The following PLA2G4F variants were observed in gnomAD, a reference collection of about 807,000 sequenced individuals.
PLA2G4F encodes the protein cytosolic phospholipase A2 zeta.
Under a neutral mutation model 103.1 loss-of-function variants are expected in PLA2G4F, and 105 were observed. The observed-to-expected ratio is 1.02, with a 90% CI of 0.87 to 1.20. The LOEUF is 1.20. Among genes scored for constraint, PLA2G4F ranks in the 50% most tolerant of loss-of-function variants. The probability of loss-of-function intolerance (pLI) is 0.00; values close to 1 mark genes in which losing one functional copy is unlikely to be tolerated. For missense variants in PLA2G4F, 1,155 were observed against 1,075.9 expected (o/e 1.07, Z -1.03); for synonymous variants, 468 against 441.1 (o/e 1.06, Z -0.76).
intron 8 of PLA2G4F, 21 bp from the exon 9 acceptor site, chr15:42,150,507 A>G (rs920520778): frequency 1.2e-6 from 2 of 1,607,798 alleles, no homozygotes; most frequent in African/African-American, 1.3e-5. Context: ...GAAAACACCC[A>G]AGAAGCTCTC....
chr15:42,144,474 C>T lies in PLA2G4F; in HGVS notation c.1951G>A (p.Gly651Ser). Residue 651 changes from glycine to serine, a missense_variant, in exon 17 of 20, where the codon GGC becomes AGC. By Grantham distance (56) the Gly-to-Ser change is moderately conservative (BLOSUM62 0). Coordinates refer to ENST00000397272, the MANE Select transcript of PLA2G4F (RefSeq NM_213600.4). ...CCTTTCCAGGCCACGAACTCCCTGC[C>T]AGCCACATAGTCCTTGTGCAAGCAG... ...GLCLHKDYVA[G>S]REFVAWKDTH... The T allele has an allele frequency of 6.2e-7, 1 of 1,612,224 alleles. No homozygotes were observed. The highest frequency in any genetic ancestry group is 8.5e-7 in the Non-Finnish European group (1 of 1,180,016).
intron 1 of PLA2G4F, among the ~76,000 whole-genome samples, chr15:42,156,148 T>C (rs2049012935): frequency 6.6e-6 from 1 of 151,856 alleles, no homozygotes; most frequent in African/African-American, 2.4e-5. Flanking sequence ...AGGGAAACTC[T>C]CCCCTCACAA....
Position 42,139,045 on chromosome 15 carries a change from A to AT in PLA2G4F, c.*2938_*2939insA, listed in dbSNP as rs1271835543. On this transcript the variant is annotated 3_prime_UTR_variant, in exon 20 of 20. Transcript: ENST00000397272. The stretch of plus-strand genomic sequence containing the variant: ...CTCAGACACAGGTATGCAGTGTAAG[A>AT]GCAGCTAGGGGACTGCCCAGCTCAA... 1.3e-5 allele frequency: 2 copies of AT among 152,240 alleles called. No homozygotes were observed. The highest frequency in any genetic ancestry group is 2.9e-5 in the Non-Finnish European group (2 of 68,060). The allele number at this position is 152,240 out of a possible 1,614,324, so 9.4% of individuals were successfully genotyped here.
chr15:42,142,294 C>A, intron 19 of PLA2G4F, 90 bp from the exon 20 acceptor site: 1 of 1,326,620 alleles, frequency 7.5e-7, no homozygotes, highest in Non-Finnish European at 1.0e-6. Flanking sequence ...GTGCAGGACA[C>A]CTGGCTGGCT....
chr15:42,141,793 A>ACAAGGAGAGCCCTGCCC lies in PLA2G4F; in HGVS notation c.*174_*190dup. 1.6e-6 allele frequency: 1 copy of ACAAGGAGAGCCCTGCCC among 636,016 alleles called. No individual in the cohort carries two copies. The highest frequency in any genetic ancestry group is 2.6e-5 in the Admixed American group (1 of 38,312). 39.4% of individuals were successfully genotyped at this position (636,016 alleles called of 1,614,324 possible). On this transcript the variant is annotated 3_prime_UTR_variant, in exon 20 of 20. Transcript: ENST00000397272. ...TACTGCCCATCTTCTCCAAAAACACACAAGGAGAGCCCTGCCCCAGTCCAA... is the reference window on the plus strand; with the variant it reads ...TACTGCCCATCTTCTCCAAAAACACACAAGGAGAGCCCTGCCCCAAGGAGAGCCCTGCCCCAGTCCAA...
chr15:42,143,230 A>G (rs2048844063), intron 18 of PLA2G4F, among the ~76,000 whole-genome samples: 1 of 150,984 alleles, frequency 6.6e-6, no homozygotes, highest in Non-Finnish European at 1.5e-5. Context: ...GGTGTTGTGA[A>G]GATTAACAAT....
chr15:42,145,615 G>A lies in PLA2G4F; in HGVS notation c.1740C>T (p.Leu580=), dbSNP rs761593240. The A allele has an allele frequency of 1.4e-5, 22 of 1,614,008 alleles. No individual in the cohort carries two copies. The highest frequency in any genetic ancestry group is 2.7e-5 in the African/African-American group (2 of 74,906). The part of the protein sequence containing the change: ...EIFLKTAGSG[L]SFLEWYRGSV... ...TGCCTCTGTACCACTCCAGGAAGCT[G>A]AGGCCCGAGCCGGCGGTCTTTAGGA... The change falls in exon 16 of 20, where the codon CTC becomes CTT. Residue 580 remains leucine, a synonymous_variant. Coordinates refer to ENST00000397272, the MANE Select transcript of PLA2G4F (RefSeq NM_213600.4).
At chr15:42,155,315 C>T (rs1022967936) in intron 2 of PLA2G4F, among the ~76,000 whole-genome samples, 1 of 151,718 alleles carries the variant, frequency 6.6e-6, no homozygotes, top group African/African-American at 2.4e-5. Flanking sequence ...CACACGTATA[C>T]ACATGTACTC....
chr15:42,149,897 C>A, intron 10 of PLA2G4F, 49 bp from the exon 11 acceptor site: 1 of 1,597,976 alleles, frequency 6.3e-7, no homozygotes, highest in South Asian at 1.1e-5. Flanking sequence ...GGTGACTGTC[C>A]AGTGGAGGAG....
intron 11 of PLA2G4F, chr15:42,149,013 G>A (rs960304833): frequency 5.3e-5 from 52 of 985,314 alleles, no homozygotes; most frequent in Middle Eastern, 5.2e-4. Flanking sequence ...GGAGGAAGCC[G>A]GCAGCCTATT....
At position 42,147,282 on chromosome 15, in the gene PLA2G4F, G is replaced by A. The variant is rs573724327; in HGVS notation, c.1261C>T (p.Arg421Cys). 5.6e-6 allele frequency: 9 copies of A among 1,611,006 alleles called. No homozygotes were observed. Among genetic ancestry groups the A allele is most frequent in the Admixed American group, 1.7e-5 (1 of 59,986 alleles). ...SQVALQGPIE[R>C]AQVHVCSSKM... ...CTGCTGCAGACGTGAACCTGGGCACGCTCAATGGGGCCCTGCAAGGCCACC... is the reference window on the plus strand; with the variant it reads ...CTGCTGCAGACGTGAACCTGGGCACACTCAATGGGGCCCTGCAAGGCCACC... Residue 421 changes from arginine (R) to cysteine (C), a missense_variant, in exon 13 of 20, where the codon CGT becomes TGT. Arg to Cys is a radical substitution (Grantham distance 180). Around this residue, in one of 3 missense-constraint regions of PLA2G4F, gnomAD observed 782 missense variants for 692.9 expected, o/e 1.13. Coordinates refer to ENST00000397272, the MANE Select transcript of PLA2G4F (RefSeq NM_213600.4).
chr15:42,147,571 A>AAC, intron 12 of PLA2G4F, 55 bp downstream of exon 12: 1 of 1,590,790 alleles, frequency 6.3e-7, no homozygotes, highest in Non-Finnish European at 8.6e-7. Context: ...CCAGGTCACA[A>AAC]CCCCACACTT....
rs920825916 is a variant in PLA2G4F, at chr15:42,140,912, G to C, written c.*1072C>G. The C allele has an allele frequency of 7.6e-6, 2 of 264,614 alleles. No individual in the cohort carries two copies. The highest frequency in any genetic ancestry group is 4.4e-5 in the African/African-American group (2 of 45,830). The allele number at this position is 264,614 out of a possible 1,614,324, so 16.4% of individuals were successfully genotyped here. On this transcript the variant is annotated 3_prime_UTR_variant, in exon 20 of 20. Transcript: ENST00000397272. ...CAGATGGAGAGGGCCTGGCCAGAAC[G>C]GGATCTCCTCTTCACGAATCTGAGG...
chr15:42,154,330 C>T lies in PLA2G4F; in HGVS notation c.313G>A (p.Ala105Thr), dbSNP rs143626582. 4.7e-5 allele frequency: 76 copies of T among 1,608,426 alleles called. No individual in the cohort carries two copies. The highest frequency in any genetic ancestry group is 6.7e-5 in the Admixed American group (4 of 59,776). ...NETFHYQIHG[A>T]VKNVLELTLY... ...CCCTGGCTGGCCCTCACCTTCACAGCACCATGGATCTGGTAGTGGAAGGTC... is the reference window on the plus strand; with the variant it reads ...CCCTGGCTGGCCCTCACCTTCACAGTACCATGGATCTGGTAGTGGAAGGTC... Residue 105 changes from alanine (A) to threonine (T), a missense_variant, in exon 3 of 20, where the codon GCT (alanine) becomes ACT (threonine). Ala to Thr is a moderately conservative substitution (Grantham distance 58). Coordinates refer to ENST00000397272, the MANE Select transcript of PLA2G4F (RefSeq NM_213600.4).
In PLA2G4F at chr15:42,150,597, G is replaced by A. The variant is rs762905378; in HGVS notation, c.771+11C>T. ...AGTTGGATCTACCGACCATCCTGGC[G>A]GCGCACTCACCTGCACAGCTGCCAG... is the stretch of plus-strand genomic sequence containing the variant. On this transcript the variant is annotated intron_variant, in intron 8 of 19. Coordinates refer to ENST00000397272, the MANE Select transcript of PLA2G4F (RefSeq NM_213600.4). The A allele has an allele frequency of 1.2e-5, 19 of 1,600,190 alleles. No individual in the cohort carries two copies. Among genetic ancestry groups the A allele is most frequent in the Middle Eastern group, 1.7e-4 (1 of 6,016 alleles).
At chr15:42,142,331 C>G in intron 19 of PLA2G4F, 127 bp from the exon 20 acceptor site, 1 of 1,149,278 alleles carries the variant, frequency 8.7e-7, no homozygotes, top group South Asian at 1.6e-5. Flanking sequence ...TGGGCCACAT[C>G]TCAGCTCTCA....
Position 42,145,845 on chromosome 15 carries a change from G to A in PLA2G4F, c.1593C>T (p.Pro531=). The A allele has an allele frequency of 6.2e-7, 1 of 1,614,150 alleles. No homozygotes were observed. The highest frequency in any genetic ancestry group is 8.5e-7 in the Non-Finnish European group (1 of 1,180,028). Residue 531 remains proline, a synonymous_variant, in exon 15 of 20, where the codon CCC becomes CCT. Coordinates refer to ENST00000397272, the MANE Select transcript of PLA2G4F (RefSeq NM_213600.4). ...AGAGTTCTGAGCCGAAGAGCTCGGTGGGAACATAAGCCCCGTACTTGGGGA... is the reference window on the plus strand; with the variant it reads ...AGAGTTCTGAGCCGAAGAGCTCGGTAGGAACATAAGCCCCGTACTTGGGGA... ...VGFPKYGAYV[P]TELFGSELFM... is the part of the protein sequence containing the mutation.
At chr15:42,145,499 C>T (rs907824079) in intron 16 of PLA2G4F, 76 bp downstream of exon 16, 2 of 1,419,564 alleles carry the variant, frequency 1.4e-6, no homozygotes, top group Non-Finnish European at 2.0e-6. Flanking sequence ...CTGTCCCCTC[C>T]CTCATTCTTC....
chr15:42,144,267 C>A, intron 17 of PLA2G4F, 123 bp from the exon 18 acceptor site: 2 of 1,407,210 alleles, frequency 1.4e-6, no homozygotes, highest in Admixed American at 2.2e-5. Flanking sequence ...CATGGAGACT[C>A]CTGCCCCAAG....
Sources: gnomAD v4.1 joint callset for allele counts (sites outside exome capture counted in the v4.1 genomes callset) on GRCh38, gnomAD v4.1.1 for gene constraint, gnomAD v4.1.1 regional missense constraint, MANE v1.5 for transcripts, NCBI Gene and HGNC (gene_info 2026-07-23, HGNC 2026-07-21) for gene names.